Variants in SLCO1B3 observed in about 807,000 individuals in gnomAD.
SLCO1B3 encodes liver-specific organic anion transporter 2.
In SLCO1B3, 72 loss-of-function variants were observed where a neutral mutation model predicts 71.8. The ratio of observed to expected loss-of-function variants is 1.00; its 90% CI spans 0.83 to 1.22. The LOEUF (loss-of-function observed/expected upper bound fraction) is 1.22, where lower values mean the gene tolerates loss of function less well. SLCO1B3 is among the 50% of genes most tolerant of loss of function. The pLI is 0.00. For synonymous variants in SLCO1B3, 298 were observed against 278.4 expected, an observed-to-expected ratio of 1.07 and a Z score of -0.70; for missense variants, 911 against 819.7, an observed-to-expected ratio of 1.11 and a Z score of -1.36.
chr12:20,844,093 T>C (rs1215059004), intron 3 of SLCO1B3, among the ~76,000 whole-genome samples: 1 of 151,994 alleles, frequency 6.6e-6, no homozygotes, highest in African/African-American at 2.4e-5. Context: ...TTAATTAAAA[T>C]CTTTGTACAC....
intron 15 of SLCO1B3, among the ~76,000 whole-genome samples, chr12:20,902,984 A>G (rs149682681): frequency 0.013 from 1,968 of 151,720 alleles, 28 homozygotes; most frequent in Middle Eastern, 0.051. Flanking sequence ...GAGGTGGGAC[A>G]ACTGCTTGAA....
intron 15 of SLCO1B3, among the ~76,000 whole-genome samples, chr12:20,910,629 C>A (rs1367624422): frequency 6.6e-6 from 1 of 152,036 alleles, no homozygotes; most frequent in Non-Finnish European, 1.5e-5. Flanking sequence ...TCTTTGATTT[C>A]TTTCATCAGA....
chr12:20,812,996 T>C (rs529751541), intron 1 of SLCO1B3, among the ~76,000 whole-genome samples: 15 of 152,322 alleles, frequency 9.8e-5, no homozygotes, highest in African/African-American at 3.6e-4. Context: ...CTTATTACCT[T>C]GAGACCACCA....
chr12:20,879,174 T>G (rs947561457), intron 10 of SLCO1B3, among the ~76,000 whole-genome samples: 4 of 150,098 alleles, frequency 2.7e-5, no homozygotes, highest in African/African-American at 7.3e-5. Flanking sequence ...TACTTGTCCC[T>G]TACCTCCACC....
At chr12:20,887,375 A>G (rs1021153545) in intron 13 of SLCO1B3, among the ~76,000 whole-genome samples, 1 of 151,876 alleles carries the variant, frequency 6.6e-6, no homozygotes, top group African/African-American at 2.4e-5. Flanking sequence ...ATCTTCACCA[A>G]CATCTCTTGA....
At chr12:20,860,435 C>A (rs183440114) in intron 5 of SLCO1B3, among the ~76,000 whole-genome samples, 1 of 152,238 alleles carries the variant, frequency 6.6e-6, no homozygotes, top group African/African-American at 2.4e-5. Context: ...AGCAAAATGC[C>A]TGGCACACTA....
At chr12:20,869,200 C>CGA (rs1865432001) in intron 8 of SLCO1B3, among the ~76,000 whole-genome samples, 1 of 151,994 alleles carries the variant, frequency 6.6e-6, no homozygotes, top group Non-Finnish European at 1.5e-5. Context: ...ACACTTCTTG[C>CGA]TACCGCTAGA....
intron 3 of SLCO1B3, among the ~76,000 whole-genome samples, chr12:20,833,981 T>C (rs1456776292): frequency 1.0e-5 from 1 of 100,108 alleles, no homozygotes; most frequent in African/African-American, 2.7e-5. Context: ...ACATACATAG[T>C]AAACATATAT....
intron 3 of SLCO1B3, among the ~76,000 whole-genome samples, chr12:20,850,096 A>C (rs1047821451): frequency 6.7e-6 from 1 of 150,016 alleles, no homozygotes; most frequent in African/African-American, 2.4e-5. Context: ...TGAAATGGCA[A>C]GGGTCCCCAA....
At chr12:20,814,426 C>T (rs555630335) in intron 2 of SLCO1B3, among the ~76,000 whole-genome samples, 7 of 151,954 alleles carry the variant, frequency 4.6e-5, no homozygotes, top group Admixed American at 1.3e-4. Context: ...AAATAGTTAA[C>T]GATATAGAAC....
intron 3 of SLCO1B3, among the ~76,000 whole-genome samples, chr12:20,830,257 A>G (rs896861578): frequency 6.6e-6 from 1 of 152,184 alleles, no homozygotes; most frequent in Admixed American, 6.5e-5. Flanking sequence ...TTGTAAATCA[A>G]AAGGTATGAG....
At chr12:20,869,859 A>G (rs922484831) in intron 8 of SLCO1B3, among the ~76,000 whole-genome samples, 1 of 152,162 alleles carries the variant, frequency 6.6e-6, no homozygotes, top group African/African-American at 2.4e-5. Flanking sequence ...TAGAAGTGAG[A>G]TTGCTCCATC....
At chr12:20,834,759 T>C (rs922477637) in intron 3 of SLCO1B3, among the ~76,000 whole-genome samples, 7 of 152,042 alleles carry the variant, frequency 4.6e-5, no homozygotes, top group African/African-American at 1.7e-4. Context: ...TGGCATTGGG[T>C]ATCTGTGGCT....
intron 3 of SLCO1B3, among the ~76,000 whole-genome samples, chr12:20,852,327 T>A (rs1865041914): frequency 6.6e-6 from 1 of 151,418 alleles, no homozygotes; most frequent in African/African-American, 2.4e-5. Context: ...TAAAAAAAAG[T>A]AATTAGTTAG....
intron 3 of SLCO1B3, among the ~76,000 whole-genome samples, chr12:20,826,320 T>C (rs913566205): frequency 1.3e-5 from 2 of 152,106 alleles, no homozygotes; most frequent in African/African-American, 4.8e-5. Context: ...AAAGTTATTA[T>C]CTCAATCCTT....
At chr12:20,868,210 C>T (rs1445098882) in intron 8 of SLCO1B3, among the ~76,000 whole-genome samples, 1 of 152,020 alleles carries the variant, frequency 6.6e-6, no homozygotes, top group East Asian at 1.9e-4. Context: ...TTCAACATCC[C>T]TTCATAATAA....
intron 3 of SLCO1B3, among the ~76,000 whole-genome samples, chr12:20,851,135 G>T (rs1186684335): frequency 1.3e-5 from 2 of 152,162 alleles, no homozygotes; most frequent in African/African-American, 4.8e-5. Flanking sequence ...GAACGTGGGT[G>T]TGTGAAAATC....
chr12:20,860,461 A>G (rs1245095820), intron 5 of SLCO1B3, among the ~76,000 whole-genome samples: 2 of 151,992 alleles, frequency 1.3e-5, no homozygotes, highest in African/African-American at 4.8e-5. Flanking sequence ...TGTCCTTAGA[A>G]CTCACAGAGC....
intron 3 of SLCO1B3, among the ~76,000 whole-genome samples, chr12:20,850,125 A>C (rs890654578): frequency 6.6e-6 from 1 of 151,272 alleles, no homozygotes; most frequent in Admixed American, 6.6e-5. Context: ...AATAATATTG[A>C]AAAAATAACA....
Sources: allele counts gnomAD v4.1 joint callset (sites outside exome capture counted in the v4.1 genomes callset), GRCh38; gene constraint gnomAD v4.1.1; transcripts MANE v1.5; gene names NCBI Gene and HGNC (gene_info 2026-07-23, HGNC 2026-07-21).